PTPRD: variants seen among roughly 807,000 people sequenced by gnomAD.
PTPRD encodes the protein receptor-type tyrosine-protein phosphatase delta.
PTPRD carries 34 observed loss-of-function variants against 214.5 expected under a neutral mutation model. That is an observed-to-expected ratio of 0.16 (90% CI 0.12 to 0.21). The LOEUF (loss-of-function observed/expected upper bound fraction) is 0.21. Ranked by LOEUF, PTPRD falls within the 10% of genes least tolerant of loss-of-function variation. The pLI is 1.00. For synonymous variants in PTPRD, 1,128 were observed against 845.7 expected, an observed-to-expected ratio of 1.33 and a Z score of -5.79; for missense variants, 2,545 against 2,398.7, an observed-to-expected ratio of 1.06 and a Z score of -1.27.
intron 6 of PTPRD, among the ~76,000 whole-genome samples, chr9:9,742,716 A>G (rs2098416864): frequency 6.6e-6 from 1 of 152,130 alleles, no homozygotes; most frequent in Non-Finnish European, 1.5e-5. Flanking sequence ...CAAGACTTTT[A>G]TACCTAGACC....
chr9:8,736,478 A>G (rs963799528), intron 11 of PTPRD, among the ~76,000 whole-genome samples: 2 of 152,228 alleles, frequency 1.3e-5, no homozygotes, highest in African/African-American at 4.8e-5. Flanking sequence ...AGGAAATACT[A>G]GAGATATCCA....
chr9:10,108,975 C>T (rs1478545000), intron 3 of PTPRD, among the ~76,000 whole-genome samples: 1 of 151,992 alleles, frequency 6.6e-6, no homozygotes, highest in African/African-American at 2.4e-5. Context: ...AAAACCTCAG[C>T]ACCTTCAGTA....
chr9:9,624,532 C>A (rs1298009492), intron 7 of PTPRD, among the ~76,000 whole-genome samples: 1 of 152,056 alleles, frequency 6.6e-6, no homozygotes, highest in Non-Finnish European at 1.5e-5. Flanking sequence ...AGGTGATCTG[C>A]CTGCCTTGGC....
chr9:9,251,368 A>G (rs901978001), intron 9 of PTPRD, among the ~76,000 whole-genome samples: 11 of 152,092 alleles, frequency 7.2e-5, no homozygotes, highest in African/African-American at 1.2e-4. Flanking sequence ...CTAGCAATAT[A>G]TCTTCTATAT....
At chr9:10,538,260 AAATAAATAAAT>A (rs2058310203) in intron 2 of PTPRD, among the ~76,000 whole-genome samples, 4 of 142,478 alleles carry the variant, frequency 2.8e-5, no homozygotes, top group Admixed American at 2.1e-4. Context: ...ATAAATAAAT[AAATAAATAAAT>A]AAATAAATAA....
At chr9:10,157,800 A>G (rs1487616047) in intron 3 of PTPRD, among the ~76,000 whole-genome samples, 1 of 152,084 alleles carries the variant, frequency 6.6e-6, no homozygotes, top group Non-Finnish European at 1.5e-5. Context: ...TGACCTCCAT[A>G]CATAACCTCA....
chr9:10,199,107 A>AGATCAC (rs931661399), intron 3 of PTPRD, among the ~76,000 whole-genome samples: 2 of 151,514 alleles, frequency 1.3e-5, no homozygotes, highest in South Asian at 2.1e-4. Flanking sequence ...TATAGAAGAG[A>AGATCAC]GATCACATTC....
At chr9:8,776,559 T>C (rs934909319) in intron 11 of PTPRD, among the ~76,000 whole-genome samples, 2 of 151,884 alleles carry the variant, frequency 1.3e-5, no homozygotes, top group Non-Finnish European at 2.9e-5. Context: ...CCCAAAGTGC[T>C]GTGATTACAG....
intron 14 of PTPRD, among the ~76,000 whole-genome samples, chr9:8,549,514 C>G (rs574575865): frequency 1.3e-5 from 2 of 152,266 alleles, no homozygotes; most frequent in East Asian, 3.9e-4. Flanking sequence ...ATGTTTTCCA[C>G]ACAGTAACAT....
At chr9:8,622,802 T>G (rs916438163) in intron 14 of PTPRD, among the ~76,000 whole-genome samples, 9 of 151,920 alleles carry the variant, frequency 5.9e-5, no homozygotes, top group African/African-American at 2.2e-4. Flanking sequence ...AAGAAAATAA[T>G]ATTTAGAAAC....
intron 44 of PTPRD, among the ~76,000 whole-genome samples, chr9:8,323,938 G>C (rs1830937853): frequency 6.6e-6 from 1 of 152,132 alleles, no homozygotes; most frequent in Non-Finnish European, 1.5e-5. Context: ...TTAGTCACTT[G>C]ATGTGGCAAA....
At position 10,345,497 on chromosome 9, in the gene PTPRD, T is replaced by C. The variant is rs910411500; in HGVS notation, c.-599-4480A>G. ...GTTCTCATTGTTCTACTCCCACTTATGAGTGAGAACATGCGGTGTTTGGTT... is the reference window on the plus strand; with the variant it reads ...GTTCTCATTGTTCTACTCCCACTTACGAGTGAGAACATGCGGTGTTTGGTT... On this transcript the variant is annotated intron_variant, in intron 2 of 45. Transcript: ENST00000381196. Among the ~76,000 whole-genome samples, 5 of 151,098 alleles carry C rather than the reference T, an allele frequency of 3.3e-5. No homozygotes were observed. In the South Asian group the frequency reaches 6.4e-4, roughly 19 times the overall value.
At chr9:10,070,319 C>T (rs1322981924) in intron 3 of PTPRD, among the ~76,000 whole-genome samples, 1 of 151,988 alleles carries the variant, frequency 6.6e-6, no homozygotes, top group Non-Finnish European at 1.5e-5. Context: ...AAAGAAATGA[C>T]AAAGTCAAAG....
intron 11 of PTPRD, among the ~76,000 whole-genome samples, chr9:8,949,305 G>A (rs1468558939): frequency 6.6e-6 from 1 of 151,666 alleles, no homozygotes; most frequent in East Asian, 1.9e-4. Context: ...AAGAGTGGTA[G>A]AAATAATTTA....
At chr9:8,471,119 G>C (rs2134959130) in intron 30 of PTPRD, 34 bp from the exon 31 acceptor site, 1 of 1,580,076 alleles carries the variant, frequency 6.3e-7, no homozygotes, top group Non-Finnish European at 8.7e-7. Flanking sequence ...AGTTAGGTTA[G>C]TTGAAAGGAG....
intron 7 of PTPRD, among the ~76,000 whole-genome samples, chr9:9,719,681 A>G (rs1306661173): frequency 1.9e-4 from 29 of 152,126 alleles, no homozygotes; most frequent in Admixed American, 1.9e-3. Flanking sequence ...CGGTGAGGGG[A>G]GAAGGGCTGT....
chr9:10,201,099 G>T (rs1038190704), intron 3 of PTPRD, among the ~76,000 whole-genome samples: 1 of 151,950 alleles, frequency 6.6e-6, no homozygotes, highest in Non-Finnish European at 1.5e-5. Context: ...TATAAAAATG[G>T]TACGGAAAAT....
At chr9:8,929,741 A>ATGTGTCTATATATG (rs1555536519) in intron 11 of PTPRD, among the ~76,000 whole-genome samples, 1 of 101,714 alleles carries the variant, frequency 9.8e-6, no homozygotes, top group Non-Finnish European at 2.0e-5. Context: ...GTGTATATAT[A>ATGTGTCTATATATG]TGTGTATATA....
At chr9:9,825,215 G>C (rs754803599) in intron 5 of PTPRD, among the ~76,000 whole-genome samples, 1 of 151,562 alleles carries the variant, frequency 6.6e-6, no homozygotes, top group Non-Finnish European at 1.5e-5. Flanking sequence ...CAGAATAAAT[G>C]CTTGATTTTA....
Sources: gnomAD v4.1 joint callset for allele counts (sites outside exome capture counted in the v4.1 genomes callset) on GRCh38, gnomAD v4.1.1 for gene constraint, MANE v1.5 for transcripts, NCBI Gene and HGNC (gene_info 2026-07-23, HGNC 2026-07-21) for gene names.